ZBTB44: variants seen among roughly 807,000 people sequenced by gnomAD.
ZBTB44 encodes the protein zinc finger and BTB domain containing 44.
In ZBTB44, 15 loss-of-function variants were observed where a neutral mutation model predicts 54.0. The ratio of observed to expected loss-of-function variants is 0.28; its 90% CI spans 0.19 to 0.43. The LOEUF is 0.43. ZBTB44 is among the 20% of genes least tolerant of loss of function. ZBTB44 has a pLI of 1.00. For synonymous variants in ZBTB44, 230 were observed against 250.1 expected (o/e 0.92, Z 0.76); for missense variants, 487 against 707.1 (o/e 0.69, Z 3.53).
At chr11:130,255,919 A>AAAAAAAAAAAAAAAAAAAC (rs1555167098) in intron 2 of ZBTB44, among the ~76,000 whole-genome samples, 2 of 131,396 alleles carry the variant, frequency 1.5e-5, no homozygotes, top group Non-Finnish European at 3.2e-5. Context: ...AAAAAAAAAA[A>AAAAAAAAAAAAAAAAAAAC]AACACCCCTT....
At chr11:130,241,009 T>C (rs1404739205) in intron 2 of ZBTB44, among the ~76,000 whole-genome samples, 1 of 152,202 alleles carries the variant, frequency 6.6e-6, no homozygotes, top group African/African-American at 2.4e-5. Context: ...ATACTATATG[T>C]ATTCTTTTGT....
chr11:130,312,585 G>C (rs7113705), intron 1 of ZBTB44, among the ~76,000 whole-genome samples: 10,585 of 152,170 alleles, frequency 0.07, 488 homozygotes, highest in Non-Finnish European at 0.1. Context: ...TATTTTACAA[G>C]ACAACTGGTT....
At chr11:130,254,648 A>G (rs1938293775) in intron 2 of ZBTB44, among the ~76,000 whole-genome samples, 1 of 152,218 alleles carries the variant, frequency 6.6e-6, no homozygotes. Flanking sequence ...TGGTTCAACC[A>G]TTGTGGAAGT....
chr11:130,265,998 A>G (rs1408021949), intron 1 of ZBTB44, among the ~76,000 whole-genome samples: 1 of 152,266 alleles, frequency 6.6e-6, no homozygotes, highest in Admixed American at 6.5e-5. Flanking sequence ...TTTTCAATAC[A>G]GACAACACAG....
intron 2 of ZBTB44, among the ~76,000 whole-genome samples, chr11:130,257,570 A>G (rs1938542611): frequency 6.6e-6 from 1 of 152,214 alleles, no homozygotes; most frequent in Non-Finnish European, 1.5e-5. Context: ...CTTCCCTACA[A>G]TCTTCAAAGA....
At chr11:130,293,704 G>C (rs1345015279) in intron 1 of ZBTB44, among the ~76,000 whole-genome samples, 3 of 151,998 alleles carry the variant, frequency 2.0e-5, no homozygotes, top group African/African-American at 4.8e-5. Flanking sequence ...GTTGAGGCAG[G>C]AGAATCAGTT....
chr11:130,249,107 C>G (rs113722666), intron 2 of ZBTB44, among the ~76,000 whole-genome samples: 1,971 of 152,136 alleles, frequency 0.013, 48 homozygotes, highest in African/African-American at 0.045. Flanking sequence ...CAGTCTCAAA[C>G]AAAAACAAAA....
chr11:130,258,013 T>C (rs1452351411), intron 2 of ZBTB44, among the ~76,000 whole-genome samples: 1 of 152,218 alleles, frequency 6.6e-6, no homozygotes, highest in African/African-American at 2.4e-5. Flanking sequence ...CTTGATAATT[T>C]ACTCTCAAAA....
In ZBTB44 at chr11:130,238,389, A is replaced by C. The variant is rs1048789253; in HGVS notation, c.1267+55T>G. The C allele has an allele frequency of 2.7e-6, 4 of 1,462,776 alleles. No homozygotes were observed. The African/African-American group carries it at 4.3e-5, about 16-fold the overall frequency. 90.6% of individuals were successfully genotyped at this position (1,462,776 alleles called of 1,614,324 possible). On this transcript the variant is annotated intron_variant, in intron 4 of 7. Coordinates refer to ENST00000357899, the MANE Select transcript of ZBTB44 (RefSeq NM_001301098.2). The stretch of plus-strand genomic sequence containing the variant: ...TGTTTTCTATTTTAACTGGGACTGC[A>C]AAATAAAATGTTTTAGAGCGTTCAC...
intron 7 of ZBTB44, chr11:130,232,303 A>G (rs1219679041): frequency 1.3e-5 from 2 of 152,192 alleles, no homozygotes; most frequent in East Asian, 1.9e-4. Context: ...AGGTGCTCTC[A>G]TAATTATTAA....
At chr11:130,285,285 G>GTTCTCTTTT (rs1940870166) in intron 1 of ZBTB44, 1 of 123,608 alleles carries the variant, frequency 8.1e-6, no homozygotes, top group Non-Finnish European at 1.8e-5. Context: ...AGTTATTCTT[G>GTTCTCTTTT]TTTTCTTTTT....
At chr11:130,241,160 A>G (rs1337358553) in intron 2 of ZBTB44, among the ~76,000 whole-genome samples, 1 of 152,228 alleles carries the variant, frequency 6.6e-6, no homozygotes, top group Non-Finnish European at 1.5e-5. Flanking sequence ...GCTGCTGTGA[A>G]TATCCTTAAT....
chr11:130,309,863 T>A (rs1295639757), intron 1 of ZBTB44, among the ~76,000 whole-genome samples: 1 of 146,404 alleles, frequency 6.8e-6, no homozygotes, highest in Non-Finnish European at 1.5e-5. Flanking sequence ...GCCACTGCAT[T>A]CCAGCCTGGG....
intron 2 of ZBTB44, among the ~76,000 whole-genome samples, chr11:130,241,795 T>A (rs1011149965): frequency 2.6e-5 from 4 of 152,222 alleles, no homozygotes; most frequent in Non-Finnish European, 5.9e-5. Flanking sequence ...ATGAAAAGTA[T>A]CATGTTTTGT....
intron 1 of ZBTB44, chr11:130,296,904 G>A (rs1479930802): frequency 4.1e-6 from 3 of 731,368 alleles, no homozygotes; most frequent in Non-Finnish European, 7.6e-6. Flanking sequence ...GCCTGCCTTT[G>A]TTGATCTGAA....
chr11:130,313,962 A>G (rs1437954323), intron 1 of ZBTB44, among the ~76,000 whole-genome samples: 1 of 133,702 alleles, frequency 7.5e-6, no homozygotes, highest in African/African-American at 2.9e-5. Context: ...ATATATATAT[A>G]TATATTTTTT....
At chr11:130,253,294 G>A (rs1938170125) in intron 2 of ZBTB44, among the ~76,000 whole-genome samples, 2 of 152,186 alleles carry the variant, frequency 1.3e-5, no homozygotes, top group African/African-American at 2.4e-5. Flanking sequence ...GTTTGCAGAT[G>A]ACATGATTGT....
At chr11:130,253,355 G>C (rs1247195122) in intron 2 of ZBTB44, among the ~76,000 whole-genome samples, 1 of 152,174 alleles carries the variant, frequency 6.6e-6, no homozygotes, top group East Asian at 1.9e-4. Context: ...AAGCTGATAA[G>C]CAACTTCAGC....
intron 2 of ZBTB44, among the ~76,000 whole-genome samples, chr11:130,260,152 C>T (rs551149318): frequency 6.6e-6 from 1 of 152,296 alleles, no homozygotes; most frequent in South Asian, 2.1e-4. Context: ...TGCGCTCAAC[C>T]ACTCCTTTTG....
Sources: gnomAD v4.1 joint callset for allele counts (sites outside exome capture counted in the v4.1 genomes callset) on GRCh38, gnomAD v4.1.1 for gene constraint, MANE v1.5 for transcripts, NCBI Gene and HGNC (gene_info 2026-07-23, HGNC 2026-07-21) for gene names.